Variants in DNMBP observed in about 807,000 individuals in gnomAD.
DNMBP encodes the protein dynamin binding protein.
A neutral mutation model predicts 150.0 loss-of-function variants in DNMBP; 87 were observed. That is an observed-to-expected ratio of 0.58 (90% CI 0.49 to 0.69). The LOEUF (loss-of-function observed/expected upper bound fraction) is 0.69. Among genes scored for constraint, DNMBP ranks in the 30% least tolerant of loss-of-function variants. The probability of loss-of-function intolerance (pLI) is 0.00; values close to 1 mark genes in which losing one functional copy is unlikely to be tolerated. For synonymous variants in DNMBP, 711 were observed against 750.4 expected (o/e 0.95, Z 0.86); for missense variants, 1,774 against 1,949.0 (o/e 0.91, Z 1.69).
At position 99,955,492 on chromosome 10, in the gene DNMBP, T is replaced by C. The variant is rs80174740; in HGVS notation, c.1982A>G (p.Lys661Arg). ...GGTAGGACGGTGTCGAGATAGGAGC[T>C]TGGGGGATACCGCATTCGTTCTCTG... ...AQQRTNAVSP[K>R]LLSRHRPTCE... The change falls in exon 4 of 17, where the codon AAG (lysine) becomes AGG (arginine). Residue 661 changes from lysine (K) to arginine (R), a missense_variant. Physicochemically the swap from Lys to Arg is conservative, Grantham distance 26. Coordinates refer to ENST00000324109, the MANE Select transcript of DNMBP (RefSeq NM_015221.4). 14,003 of 1,600,692 alleles carry C rather than the reference T, an allele frequency of 8.7e-3. 91 individuals are homozygous for C. Among genetic ancestry groups the C allele is most frequent in the Non-Finnish European group, 0.011 (13,020 of 1,173,038 alleles).
In DNMBP at chr10:99,888,886, C is replaced by T. The variant is rs184810563; in HGVS notation, c.3224G>A (p.Arg1075Gln). 30 of 1,614,126 alleles carry T rather than the reference C, an allele frequency of 1.9e-5. No homozygotes were observed. The highest frequency in any genetic ancestry group is 1.6e-4 in the Middle Eastern group (1 of 6,062). Residue 1075 changes from arginine to glutamine, a missense_variant, in exon 12 of 17, where the codon CGG (arginine) becomes CAG (glutamine). This residue lies in a region of DNMBP where 1,430 missense variants were observed against 1,492.5 expected (regional missense o/e 0.96). Transcript: ENST00000324109. The stretch of plus-strand genomic sequence containing the variant: ...CACCCTCTCAAACTGCTCCAGGTCC[C>T]GGTGTCCTCTCTCCATGCACACATC... ...MWDVCMERGH[R>Q]DLEQFERVHR...
At chr10:99,891,847 C>T (rs866548779) in intron 11 of DNMBP, among the ~76,000 whole-genome samples, 26 of 148,126 alleles carry the variant, frequency 1.8e-4, no homozygotes, top group South Asian at 6.5e-4. Context: ...ATGTGAGGAG[C>T]GCCTCTGCCC....
intron 3 of DNMBP, chr10:99,957,443 C>T (rs1589438711): frequency 1.8e-6 from 1 of 563,184 alleles, no homozygotes; most frequent in East Asian, 2.9e-5. Context: ...AGCAGAGAAT[C>T]TGTGAGGTCA....
chr10:99,967,406 G>A (rs982650702), intron 3 of DNMBP, among the ~76,000 whole-genome samples: 9 of 151,998 alleles, frequency 5.9e-5, no homozygotes, highest in Non-Finnish European at 1.2e-4. Flanking sequence ...GGTGCCTGTA[G>A]TCCCAGCTAC....
intron 4 of DNMBP, among the ~76,000 whole-genome samples, chr10:99,954,744 C>CA (rs751589220): frequency 0.022 from 1,071 of 48,518 alleles, 17 homozygotes; most frequent in African/African-American, 0.04. Context: ...AACTCTGTCT[C>CA]AAAAAAAAAA....
chr10:99,965,553 A>T (rs999767202), intron 3 of DNMBP, among the ~76,000 whole-genome samples: 5 of 145,330 alleles, frequency 3.4e-5, no homozygotes, highest in African/African-American at 1.3e-4. Flanking sequence ...GCTGGACTGC[A>T]GTGGCGCAAT....
chr10:99,970,671 C>T (rs551572630), intron 2 of DNMBP, among the ~76,000 whole-genome samples: 2 of 152,168 alleles, frequency 1.3e-5, no homozygotes, highest in Non-Finnish European at 2.9e-5. Flanking sequence ...AATCATAAAG[C>T]TGGTTATGAA....
rs199861729 is a variant in DNMBP at position 99,972,013 on chromosome 10, A to C, written c.112T>G (p.Phe38Val). ...TCCTCCTTCTTTCCTAGAAGCCAAAATTCATCCACCACTGCCAGCACCTCA... is the reference window on the plus strand; with the variant it reads ...TCCTCCTTCTTTCCTAGAAGCCAAACTTCATCCACCACTGCCAGCACCTCA... ...IIEVLAVVDE[F>V]WLLGKKEDVT... The change falls in exon 2 of 17, where the codon TTT (phenylalanine) becomes GTT (valine). Residue 38 changes from phenylalanine to valine, a missense_variant. Transcript: ENST00000324109. 6.2e-7 allele frequency: 1 copy of C among 1,613,794 alleles called. No individual in the cohort carries two copies. The highest frequency in any genetic ancestry group is 2.2e-5 in the East Asian group (1 of 44,836).
At chr10:99,892,077 C>T (rs1163414214) in intron 11 of DNMBP, among the ~76,000 whole-genome samples, 7 of 139,978 alleles carry the variant, frequency 5.0e-5, no homozygotes, top group Admixed American at 4.1e-4. Context: ...CCAGCCACCC[C>T]ATCTGGGAGG....
chr10:99,989,629 T>C (rs897286099), intron 1 of DNMBP, among the ~76,000 whole-genome samples: 1 of 152,170 alleles, frequency 6.6e-6, no homozygotes, highest in Non-Finnish European at 1.5e-5. Flanking sequence ...GAGAATCACT[T>C]GAACCTGGGA....
chr10:100,009,079 G>A (rs190251177), intron 1 of DNMBP, among the ~76,000 whole-genome samples: 2 of 152,336 alleles, frequency 1.3e-5, no homozygotes, highest in East Asian at 3.9e-4. Context: ...GAATAAGTGA[G>A]TGCCAAAAAT....
intron 1 of DNMBP, among the ~76,000 whole-genome samples, chr10:100,003,053 A>G (rs529774948): frequency 6.6e-6 from 1 of 152,336 alleles, no homozygotes; most frequent in East Asian, 1.9e-4. Context: ...AATAAGAAGT[A>G]TAAGAATGGG....
At chr10:99,991,227 T>C (rs1182160406) in intron 1 of DNMBP, among the ~76,000 whole-genome samples, 1 of 152,006 alleles carries the variant, frequency 6.6e-6, no homozygotes, top group Non-Finnish European at 1.5e-5. Context: ...TACAGGCACG[T>C]GCCACCATGC....
At chr10:99,883,310 G>A (rs561683682) in intron 15 of DNMBP, among the ~76,000 whole-genome samples, 1 of 152,044 alleles carries the variant, frequency 6.6e-6, no homozygotes, top group Non-Finnish European at 1.5e-5. Flanking sequence ...AACTGTCATG[G>A]GGAGAAGAAA....
intron 3 of DNMBP, among the ~76,000 whole-genome samples, chr10:99,966,813 T>C (rs936653363): frequency 2.0e-5 from 3 of 152,114 alleles, no homozygotes; most frequent in Non-Finnish European, 2.9e-5. Context: ...CAAGGTCTTG[T>C]TCTGTTGCCC....
In DNMBP at chr10:99,888,938, T is replaced by C. The variant is rs781225310; in HGVS notation, c.3172A>G (p.Lys1058Glu). The C allele has an allele frequency of 1.9e-6, 3 of 1,614,022 alleles. No homozygotes were observed. The highest frequency in any genetic ancestry group is 1.1e-5 in the South Asian group (1 of 91,082). Residue 1058 changes from lysine (K) to glutamate (E), a missense_variant, in exon 12 of 17, where the codon AAA becomes GAA. Lys to Glu is a moderately conservative substitution (Grantham distance 56, BLOSUM62 1). Transcript: ENST00000324109. ...LQHIRESACV[K>E]VVAAVSMWDV... Reference sequence around the variant, plus strand: ...CACATGCTCACAGCAGCCACCACTTTCACACATGCGGACTCCTGGAGCCAG... The same window carrying C: ...CACATGCTCACAGCAGCCACCACTTCCACACATGCGGACTCCTGGAGCCAG...
chr10:99,974,316 T>C (rs2040706499), intron 1 of DNMBP, among the ~76,000 whole-genome samples: 1 of 152,176 alleles, frequency 6.6e-6, no homozygotes, highest in African/African-American at 2.4e-5. Context: ...AATAAGACGA[T>C]GTGTCCATTA....
chr10:99,925,290 T>C (rs1489509022), intron 4 of DNMBP, among the ~76,000 whole-genome samples: 1 of 152,238 alleles, frequency 6.6e-6, no homozygotes, highest in Non-Finnish European at 1.5e-5. Context: ...ATTCCTGCCC[T>C]AATCCTTGAC....
intron 1 of DNMBP, among the ~76,000 whole-genome samples, chr10:99,979,374 C>T (rs771455957): frequency 1.3e-5 from 2 of 152,112 alleles, no homozygotes; most frequent in Non-Finnish European, 2.9e-5. Flanking sequence ...ATGTGGGGGT[C>T]GGGGAAGGAC....
Sources: allele counts gnomAD v4.1 joint callset (sites outside exome capture counted in the v4.1 genomes callset), GRCh38; gene constraint gnomAD v4.1.1; regional missense constraint gnomAD v4.1.1; transcripts MANE v1.5; gene names NCBI Gene and HGNC (gene_info 2026-07-23, HGNC 2026-07-21).